PDE4D: variants seen among roughly 807,000 people sequenced by gnomAD.
PDE4D encodes 3',5'-cyclic-AMP phosphodiesterase 4D.
In PDE4D, 24 loss-of-function variants were observed where a neutral mutation model predicts 87.4. That is an observed-to-expected ratio of 0.27 (90% CI 0.20 to 0.39). PDE4D has a LOEUF of 0.39. PDE4D is among the 10% of genes least tolerant of loss of function. The probability of loss-of-function intolerance (pLI) is 1.00; values close to 1 mark genes in which losing one functional copy is unlikely to be tolerated. For synonymous variants in PDE4D, 384 were observed against 383.2 expected (o/e 1.00, Z -0.02); for missense variants, 714 against 1,041.0 (o/e 0.69, Z 4.32).
chr5:60,191,271 T>A (rs1335393089), intron 1 of PDE4D, among the ~76,000 whole-genome samples: 1 of 152,180 alleles, frequency 6.6e-6, no homozygotes, highest in Non-Finnish European at 1.5e-5. Flanking sequence ...GGCATTGATA[T>A]GGTTTGGCTG....
At chr5:60,425,685 T>C (rs753672432) in intron 1 of PDE4D, among the ~76,000 whole-genome samples, 1 of 151,958 alleles carries the variant, frequency 6.6e-6, no homozygotes, top group Non-Finnish European at 1.5e-5. Context: ...AGACAAATAG[T>C]ATCTAATCAA....
chr5:60,322,367 T>TACACACACACACAC (rs60232413), intron 1 of PDE4D, among the ~76,000 whole-genome samples: 6 of 132,790 alleles, frequency 4.5e-5, no homozygotes, highest in East Asian at 2.4e-4. Context: ...TGGACACACA[T>TACACACACACACAC]ACACACACAC....
chr5:60,146,019 C>T (rs553005067), intron 2 of PDE4D, among the ~76,000 whole-genome samples: 9 of 152,178 alleles, frequency 5.9e-5, no homozygotes, highest in African/African-American at 2.2e-4. Flanking sequence ...TTCAAGCCCA[C>T]CCTGTGCAAC....
chr5:59,758,865 T>G (rs1761617718), intron 1 of PDE4D, among the ~76,000 whole-genome samples: 1 of 152,200 alleles, frequency 6.6e-6, no homozygotes, highest in Non-Finnish European at 1.5e-5. Context: ...TTTGTAAATT[T>G]AATTAGTCAT....
intron 2 of PDE4D, among the ~76,000 whole-genome samples, chr5:60,174,754 A>AT: frequency 6.6e-6 from 1 of 152,112 alleles, no homozygotes; most frequent in South Asian, 2.1e-4. Context: ...TGCTCACAAC[A>AT]TTTCTGAGGA....
intron 3 of PDE4D, among the ~76,000 whole-genome samples, chr5:59,985,642 C>T (rs1762388361): frequency 6.6e-6 from 1 of 152,106 alleles, no homozygotes; most frequent in Non-Finnish European, 1.5e-5. Flanking sequence ...ACCCTTGTTC[C>T]ATCTTTCAAA....
chr5:60,465,817 C>A (rs1747309159), intron 1 of PDE4D, among the ~76,000 whole-genome samples: 1 of 151,260 alleles, frequency 6.6e-6, no homozygotes, highest in Admixed American at 6.6e-5. Flanking sequence ...AATCATCTAA[C>A]ACAAAACCTA....
chr5:59,165,060 A>C (rs1202725977), intron 5 of PDE4D: 1 of 152,220 alleles, frequency 6.6e-6, no homozygotes, highest in Non-Finnish European at 1.5e-5. Context: ...TCTAAAAAAA[A>C]TGAGTATCAT....
chr5:60,301,064 C>T (rs1008029305), intron 1 of PDE4D, among the ~76,000 whole-genome samples: 4 of 152,142 alleles, frequency 2.6e-5, no homozygotes, highest in Non-Finnish European at 5.9e-5. Flanking sequence ...CCAATGCGCC[C>T]AGCCTTCTGT....
intron 1 of PDE4D, among the ~76,000 whole-genome samples, chr5:60,337,335 A>AAAAC (rs1325843789): frequency 1.5e-4 from 16 of 104,726 alleles, no homozygotes; most frequent in Non-Finnish European, 2.5e-4. Context: ...TTTGTCTCAA[A>AAAAC]AAACAAACAA....
At chr5:59,265,653 T>A (rs1168912387) in intron 1 of PDE4D, among the ~76,000 whole-genome samples, 2 of 152,046 alleles carry the variant, frequency 1.3e-5, no homozygotes, top group Non-Finnish European at 2.9e-5. Context: ...TATTAACATA[T>A]ACATCATTGC....
chr5:60,032,666 G>A (rs1271675957), intron 2 of PDE4D: 1 of 152,136 alleles, frequency 6.6e-6, no homozygotes, highest in Admixed American at 6.5e-5. Context: ...TAATTTACTA[G>A]ATAAGGTAGT....
At chr5:59,557,993 G>A (rs1292700291) in intron 1 of PDE4D, among the ~76,000 whole-genome samples, 1 of 152,156 alleles carries the variant, frequency 6.6e-6, no homozygotes, top group Non-Finnish European at 1.5e-5. Flanking sequence ...TATTATTGGT[G>A]GCTCTAGAGG....
intron 5 of PDE4D, among the ~76,000 whole-genome samples, chr5:59,093,941 T>TA (rs1769206628): frequency 6.6e-6 from 1 of 151,990 alleles, no homozygotes; most frequent in Admixed American, 6.6e-5. Context: ...AGGATGAGGC[T>TA]GGGCATGTTG....
At chr5:59,550,743 G>A (rs1376274712) in intron 1 of PDE4D, among the ~76,000 whole-genome samples, 1 of 149,228 alleles carries the variant, frequency 6.7e-6, no homozygotes, top group Non-Finnish European at 1.5e-5. Context: ...TGTCGCCCAG[G>A]CTGAAGTGCA....
chr5:59,517,864 T>C (rs1379177927), intron 1 of PDE4D, among the ~76,000 whole-genome samples: 1 of 152,198 alleles, frequency 6.6e-6, no homozygotes, highest in East Asian at 1.9e-4. Context: ...CTTTTGCTCT[T>C]GACAGTATTT....
At chr5:59,943,291 A>G (rs1180809887) in intron 3 of PDE4D, among the ~76,000 whole-genome samples, 3 of 151,982 alleles carry the variant, frequency 2.0e-5, no homozygotes, top group Non-Finnish European at 2.9e-5. Flanking sequence ...TCAGATTCCA[A>G]TGTTGGCCTA....
chr5:59,703,469 T>C, intron 1 of PDE4D: 3 of 488,314 alleles, frequency 6.1e-6, no homozygotes, highest in South Asian at 4.7e-5. Context: ...ATAATACATA[T>C]GTATTGATAC....
chr5:60,298,517 T>A (rs1753615267), intron 1 of PDE4D, among the ~76,000 whole-genome samples: 1 of 152,318 alleles, frequency 6.6e-6, no homozygotes, highest in African/African-American at 2.4e-5. Context: ...GATACACAAA[T>A]TAGGCAACTA....
Sources: gnomAD v4.1 joint callset for allele counts (sites outside exome capture counted in the v4.1 genomes callset) on GRCh38, gnomAD v4.1.1 for gene constraint, MANE v1.5 for transcripts, NCBI Gene and HGNC (gene_info 2026-07-23, HGNC 2026-07-21) for gene names.